ARK2C: variants seen among roughly 807,000 people sequenced by gnomAD.
ARK2C encodes E3 ubiquitin-protein ligase ARK2C.
the ARK2C span, among the ~76,000 whole-genome samples, chr18:46,345,725 A>G: frequency 7.9e-5 from 12 of 152,308 alleles, no homozygotes; most frequent in South Asian, 2.1e-4. Flanking sequence ...TTCTACCTCT[A>G]TTTGCAAATT....
the ARK2C span, chr18:46,334,390 G>A: frequency 6.6e-7 from 1 of 1,508,088 alleles, no homozygotes; most frequent in Non-Finnish European, 8.9e-7. This position sits in a 1 kb window ranked among gnomAD's most constrained non-coding sequence, Gnocchi z 4.4. Context: ...CGCAGGCACC[G>A]GGGCGGGGGC....
chr18:46,404,804 A>AC, the ARK2C span, among the ~76,000 whole-genome samples: 1,293 of 149,642 alleles, frequency 8.6e-3, 11 homozygotes, highest in African/African-American at 0.03. Context: ...ACACACAACA[A>AC]CCCCCCCACC....
chr18:46,358,201 C>T, the ARK2C span, among the ~76,000 whole-genome samples: 1 of 152,140 alleles, frequency 6.6e-6, no homozygotes, highest in African/African-American at 2.4e-5. Context: ...TGAGCTGGAC[C>T]CCCTGTGAGG....
chr18:46,405,770 G>A, the ARK2C span, among the ~76,000 whole-genome samples: 10 of 151,500 alleles, frequency 6.6e-5, no homozygotes, highest in Admixed American at 6.5e-4. Context: ...GAGCCATCCA[G>A]GCAAAGAATT....
the ARK2C span, chr18:46,336,012 G>T: frequency 1.0e-6 from 1 of 985,374 alleles, no homozygotes; most frequent in Non-Finnish European, 1.2e-6. Flanking sequence ...TATTTAAGCG[G>T]CAGTATCCCC....
At chr18:46,451,343 A>C in the ARK2C span, among the ~76,000 whole-genome samples, 3 of 152,146 alleles carry the variant, frequency 2.0e-5, no homozygotes, top group African/African-American at 7.2e-5. Flanking sequence ...AGAACTAGGA[A>C]TCTAGGATAA....
the ARK2C span, among the ~76,000 whole-genome samples, chr18:46,441,861 CAAAAAAAAAA>C: frequency 1.2e-4 from 15 of 122,060 alleles, no homozygotes; most frequent in East Asian, 4.3e-4. Flanking sequence ...GACTCCATCT[CAAAAAAAAAA>C]AAAAAAAAAG....
At chr18:46,430,618 C>G in the ARK2C span, among the ~76,000 whole-genome samples, 2 of 152,152 alleles carry the variant, frequency 1.3e-5, no homozygotes, top group African/African-American at 2.4e-5. Context: ...GTTCCTTCAA[C>G]GTTTGCATCT....
At chr18:46,387,753 G>C in the ARK2C span, among the ~76,000 whole-genome samples, 1 of 152,240 alleles carries the variant, frequency 6.6e-6, no homozygotes, top group Non-Finnish European at 1.5e-5. Flanking sequence ...CTTCATCATC[G>C]AGGACTGCTG....
the ARK2C span, among the ~76,000 whole-genome samples, chr18:46,437,444 G>C: frequency 6.6e-6 from 1 of 152,124 alleles, no homozygotes; most frequent in Non-Finnish European, 1.5e-5. Context: ...AAGGAGCCCT[G>C]GGGGAGTGTG....
chr18:46,344,698 C>T, the ARK2C span, among the ~76,000 whole-genome samples: 996 of 152,306 alleles, frequency 6.5e-3, 14 homozygotes, highest in African/African-American at 0.022. Context: ...CTGCCTGTGA[C>T]GTTTGGGACT....
At chr18:46,364,533 T>C in the ARK2C span, among the ~76,000 whole-genome samples, 2 of 152,148 alleles carry the variant, frequency 1.3e-5, no homozygotes, top group African/African-American at 4.8e-5. Flanking sequence ...GACATATCAT[T>C]TCAGGCCACC....
the ARK2C span, among the ~76,000 whole-genome samples, chr18:46,440,328 T>C: frequency 1.3e-5 from 2 of 152,296 alleles, no homozygotes; most frequent in East Asian, 3.9e-4. Context: ...TTGCAGTATA[T>C]TGTTATAATT....
At chr18:46,354,716 A>C in the ARK2C span, among the ~76,000 whole-genome samples, 1 of 152,182 alleles carries the variant, frequency 6.6e-6, no homozygotes. Context: ...GTCCTAGTTT[A>C]ATTGCCTCTT....
chr18:46,397,575 TGGTCATGCTGGG>T, the ARK2C span, among the ~76,000 whole-genome samples: 1 of 65,296 alleles, frequency 1.5e-5, no homozygotes, highest in African/African-American at 8.2e-5. Flanking sequence ...TGTGTGTGTG[TGGTCATGCTGGG>T]GTGTGAGGGT....
chr18:46,337,077 T>G, the ARK2C span: 4 of 985,262 alleles, frequency 4.1e-6, no homozygotes, highest in East Asian at 2.3e-4. Context: ...TCCCTTCTGC[T>G]GCTCGCCAGC....
At chr18:46,434,745 G>A in the ARK2C span, among the ~76,000 whole-genome samples, 1 of 152,184 alleles carries the variant, frequency 6.6e-6, no homozygotes, top group African/African-American at 2.4e-5. Context: ...GGATGCTTGA[G>A]ATAGAAGGTG....
the ARK2C span, among the ~76,000 whole-genome samples, chr18:46,377,744 G>T: frequency 6.6e-6 from 1 of 152,192 alleles, no homozygotes; most frequent in Admixed American, 6.5e-5. Flanking sequence ...GTTGCTATGT[G>T]ATGGGGCATT....
chr18:46,342,905 G>A, the ARK2C span, among the ~76,000 whole-genome samples: 3 of 152,160 alleles, frequency 2.0e-5, no homozygotes, highest in African/African-American at 7.2e-5. Context: ...TTTTGGGGGG[G>A]AGTGGAGCTG....
Sources: gnomAD v4.1 joint callset for allele counts (sites outside exome capture counted in the v4.1 genomes callset) on GRCh38, gnomAD v4.1.1 for gene constraint, Gnocchi (gnomAD v3.1) non-coding constraint, MANE v1.5 for transcripts, NCBI Gene and HGNC (gene_info 2026-07-23, HGNC 2026-07-21) for gene names.